ADCYAP1R1: variants seen among roughly 807,000 people sequenced by gnomAD.
ADCYAP1R1 encodes pituitary adenylate cyclase-activating polypeptide type I receptor.
A neutral mutation model predicts 67.6 loss-of-function variants in ADCYAP1R1; 44 were observed. The ratio of observed to expected loss-of-function variants is 0.65; its 90% CI spans 0.51 to 0.84. ADCYAP1R1 has a LOEUF of 0.84. Ranked by LOEUF, ADCYAP1R1 falls within the 40% of genes least tolerant of loss-of-function variation. The probability of loss-of-function intolerance (pLI) is 0.00; values close to 1 mark genes in which losing one functional copy is unlikely to be tolerated. For synonymous variants in ADCYAP1R1, 222 were observed against 219.6 expected (o/e 1.01, Z -0.10); for missense variants, 477 against 587.9 (o/e 0.81, Z 1.95).
At chr7:31,090,834 G>T (rs977287644) in intron 12 of ADCYAP1R1, among the ~76,000 whole-genome samples, 6 of 152,212 alleles carry the variant, frequency 3.9e-5, no homozygotes, top group Non-Finnish European at 7.3e-5. Flanking sequence ...GGGCACCTAT[G>T]TGGGTCCCAT....
chr7:31,084,863 C>T (rs1795670650), intron 8 of ADCYAP1R1, 29 bp downstream of exon 8: 1 of 1,601,122 alleles, frequency 6.2e-7, no homozygotes, highest in African/African-American at 1.3e-5. Context: ...TTCAAGCAAG[C>T]ACCAGAGCTG....
At chr7:31,090,316 A>G (rs970541373) in intron 12 of ADCYAP1R1, among the ~76,000 whole-genome samples, 3 of 152,148 alleles carry the variant, frequency 2.0e-5, no homozygotes, top group Non-Finnish European at 4.4e-5. Flanking sequence ...TCTCATTCCT[A>G]AATTTGTTTA....
intron 12 of ADCYAP1R1, among the ~76,000 whole-genome samples, chr7:31,089,204 T>A (rs918413660): frequency 2.0e-5 from 3 of 152,156 alleles, no homozygotes; most frequent in Non-Finnish European, 2.9e-5. Context: ...CTTTCTTAGT[T>A]GTGTTTCTGA....
intron 12 of ADCYAP1R1, among the ~76,000 whole-genome samples, chr7:31,091,108 CA>C (rs1393738600): frequency 6.6e-6 from 1 of 152,168 alleles, no homozygotes; most frequent in African/African-American, 2.4e-5. Context: ...TAGTAATAGC[CA>C]TTCTGACTGG....
intron 3 of ADCYAP1R1, among the ~76,000 whole-genome samples, chr7:31,074,170 C>T (rs369705417): frequency 6.6e-5 from 10 of 152,138 alleles, no homozygotes; most frequent in African/African-American, 2.2e-4. Context: ...ACATAGGAAA[C>T]GTGAATCATG....
Position 31,087,609 on chromosome 7 carries a change from T to C in ADCYAP1R1, c.885-18T>C. 3 of 1,613,434 alleles carry C rather than the reference T, an allele frequency of 1.9e-6. No homozygotes were observed. The highest frequency in any genetic ancestry group is 2.5e-6 in the Non-Finnish European group (3 of 1,179,470). On this transcript the variant is annotated intron_variant, in intron 11 of 15. Transcript: ENST00000304166. ...CGACTCACAGACGTGATCTTGCTTCTCTCTGTCCATCTTTCAGCTGCTGGG... is the reference window on the plus strand; with the variant it reads ...CGACTCACAGACGTGATCTTGCTTCCCTCTGTCCATCTTTCAGCTGCTGGG...
intron 1 of ADCYAP1R1, among the ~76,000 whole-genome samples, chr7:31,053,039 C>A (rs955761421): frequency 6.6e-6 from 1 of 151,696 alleles, no homozygotes; most frequent in Admixed American, 6.5e-5. Flanking sequence ...GCAAGCCATG[C>A]GGCCGGAGGG....
Position 31,084,159 on chromosome 7 carries a change from G to A in ADCYAP1R1, c.347G>A (p.Arg116Gln), listed in dbSNP as rs1419089743. The change falls in exon 7 of 16, where the codon CGG becomes CAG. Residue 116 changes from arginine (R) to glutamine (Q), a missense_variant. Arg to Gln is a conservative substitution (Grantham distance 43). Transcript: ENST00000304166. ...LDLSDMGVVSRNCTEDGWSEP... is the reference protein window; with the variant it reads ...LDLSDMGVVSQNCTEDGWSEP... ...GCTGCAGACATGGGAGTGGTGAGCC[G>A]GAACTGCACGGAGGATGGCTGGTCG... 1.1e-5 allele frequency: 17 copies of A among 1,614,022 alleles called. No homozygotes were observed. The highest frequency in any genetic ancestry group is 1.7e-5 in the Admixed American group (1 of 60,006).
chr7:31,079,447 C>T lies in ADCYAP1R1; in HGVS notation c.266-1166C>T, dbSNP rs146070198. Among the ~76,000 whole-genome samples the T allele has an allele frequency of 6.6e-4, 101 of 152,314 alleles. No individual in the cohort carries two copies. The East Asian group carries it at 0.012, about 19-fold the overall frequency. On this transcript the variant is annotated intron_variant, in intron 4 of 15. Transcript: ENST00000304166. ...GTGTGGCCATGTGACCTGGCCTTAG[C>T]GTTCTTCTTTTCCAGCCTAAGGCTT...
rs1360869791 is a variant in ADCYAP1R1 at position 31,109,600 on chromosome 7, C to T, written c.*2916C>T. 2 of 152,124 alleles carry T rather than the reference C, an allele frequency of 1.3e-5. No individual in the cohort carries two copies. The highest frequency in any genetic ancestry group is 1.5e-5 in the Non-Finnish European group (1 of 68,028). The allele number at this position is 152,124 out of a possible 1,614,324, so 9.4% of individuals were successfully genotyped here. On this transcript the variant is annotated 3_prime_UTR_variant, in exon 16 of 16. Coordinates refer to ENST00000304166, the MANE Select transcript of ADCYAP1R1 (RefSeq NM_001118.5). ...TGATCATTCCTGGGAAGGGGTTTCT[C>T]GTTCTATGCAATCCTAAAGGACGAA...
chr7:31,098,855 G>A (rs1318007712), intron 13 of ADCYAP1R1, among the ~76,000 whole-genome samples: 1 of 152,058 alleles, frequency 6.6e-6, no homozygotes, highest in African/African-American at 2.4e-5. Context: ...GAATGCCAAG[G>A]GTGTGGTCTC....
intron 13 of ADCYAP1R1, among the ~76,000 whole-genome samples, chr7:31,096,080 C>T (rs1423641990): frequency 6.6e-6 from 1 of 152,110 alleles, no homozygotes; most frequent in South Asian, 2.1e-4. Flanking sequence ...CTGGAGTTGA[C>T]CTCTGTGAGC....
intron 1 of ADCYAP1R1, among the ~76,000 whole-genome samples, chr7:31,057,544 C>T (rs909732288): frequency 2.0e-5 from 3 of 152,220 alleles, no homozygotes; most frequent in Admixed American, 1.3e-4. Context: ...TCACTGGGGC[C>T]CCTCTGGTGG....
At chr7:31,052,807 C>G (rs1002863415) in intron 1 of ADCYAP1R1, 129 bp downstream of exon 1, 2 of 152,314 alleles carry the variant, frequency 1.3e-5, no homozygotes, top group Non-Finnish European at 2.9e-5. Flanking sequence ...GCGACCTCCA[C>G]CGACGGAGAG....
chr7:31,070,577 G>A (rs754722327), intron 3 of ADCYAP1R1, among the ~76,000 whole-genome samples: 4 of 152,238 alleles, frequency 2.6e-5, no homozygotes, highest in South Asian at 2.1e-4. Flanking sequence ...AGAGCAGGAG[G>A]AGCTTCTTGT....
rs1008023505 is a variant in ADCYAP1R1, at chr7:31,086,617, G to A, written c.823+80G>A. ...AGGTGTGTCTTTGGTTCCATCTTCA[G>A]GAAGTGTCAGGTGAGGAGGGGCCAC... On this transcript the variant is annotated intron_variant, in intron 10 of 15. Coordinates refer to ENST00000304166, the MANE Select transcript of ADCYAP1R1 (RefSeq NM_001118.5). This position sits in a 1 kb window ranked among gnomAD's most constrained non-coding sequence, Gnocchi z 5.0. 1.0e-5 allele frequency: 16 copies of A among 1,550,660 alleles called. No homozygotes were observed. The East Asian group carries it at 1.1e-4, about 11-fold the overall frequency.
intron 8 of ADCYAP1R1, among the ~76,000 whole-genome samples, chr7:31,085,089 A>G (rs575337412): frequency 2.8e-4 from 42 of 152,222 alleles, no homozygotes; most frequent in Non-Finnish European, 5.4e-4. Context: ...AGAAAGACAG[A>G]GGCCACAGGA....
At chr7:31,095,798 A>C in intron 13 of ADCYAP1R1, 1 of 713,264 alleles carries the variant, frequency 1.4e-6, no homozygotes, top group South Asian at 1.5e-5. Context: ...TCCTCCATAG[A>C]CCAAGACGGT....
At position 31,080,779 on chromosome 7, in the gene ADCYAP1R1, C is replaced by T. The variant is rs1021759848; in HGVS notation, c.286+146C>T. On this transcript the variant is annotated intron_variant, in intron 5 of 15. Transcript: ENST00000304166. ...CTGGGTATCAGGTTCTTTCCTCCTT[C>T]CTTCCTCCCCTCTCCCCGACCTTGG... 4.9e-5 allele frequency: 39 copies of T among 798,762 alleles called. 1 individual carries two copies. Among genetic ancestry groups the T allele is most frequent in the Middle Eastern group, 7.3e-4 (2 of 2,746 alleles). 49.5% of individuals were successfully genotyped at this position (798,762 alleles called of 1,614,324 possible). A position where few individuals can be genotyped will look rare whatever the true frequency, so the allele number is the denominator to read the frequency against.
Sources: gnomAD v4.1 joint callset for allele counts (sites outside exome capture counted in the v4.1 genomes callset) on GRCh38, gnomAD v4.1.1 for gene constraint, Gnocchi (gnomAD v3.1) non-coding constraint, MANE v1.5 for transcripts, NCBI Gene and HGNC (gene_info 2026-07-23, HGNC 2026-07-21) for gene names.